The following TSHR variants were observed in gnomAD, a reference collection of about 807,000 sequenced individuals.
TSHR encodes thyrotropin receptor.
TSHR carries 51 observed loss-of-function variants against 64.1 expected under a neutral mutation model. The observed-to-expected ratio is 0.80, with a 90% CI of 0.64 to 1.01. TSHR has a LOEUF of 1.01. Among genes scored for constraint, TSHR ranks in the 50% least tolerant of loss-of-function variants. The pLI, the probability that TSHR is intolerant of heterozygous loss-of-function variation, is 0.00. For missense variants in TSHR, 877 were observed against 942.8 expected (o/e 0.93, Z 0.91); for synonymous variants, 361 against 361.9 (o/e 1.00, Z 0.03).
intron 1 of TSHR, chr14:81,001,412 A>C (rs1889310019): frequency 2.3e-6 from 1 of 441,950 alleles, no homozygotes; most frequent in Non-Finnish European, 4.5e-6. Flanking sequence ...CATGAGCTCT[A>C]TAAGGCCAGT....
chr14:81,104,794 C>T, intron 7 of TSHR: 2 of 985,398 alleles, frequency 2.0e-6, no homozygotes, highest in Non-Finnish European at 2.4e-6. Flanking sequence ...TTCTTAACTC[C>T]ATGTATGGAA....
intron 8 of TSHR, among the ~76,000 whole-genome samples, chr14:81,122,496 T>A (rs1890845362): frequency 6.6e-6 from 1 of 151,756 alleles, no homozygotes; most frequent in Non-Finnish European, 1.5e-5. Flanking sequence ...AAGCGCAATA[T>A]GCAAAGTTGC....
chr14:81,102,703 ATT>A, intron 7 of TSHR: 1 of 761,244 alleles, frequency 1.3e-6, no homozygotes, highest in African/African-American at 1.9e-5. Flanking sequence ...ATAAAACTTT[ATT>A]TACAAAAACA....
Position 81,143,484 on chromosome 14 carries a change from T to A in TSHR, c.1426T>A (p.Tyr476Asn). ...GCTCCTCATCGCCTCTGTAGACCTC[T>A]ACACTCACTCTGAGTACTACAACCA... is the stretch of plus-strand genomic sequence containing the variant. Reference protein sequence around the residue: ...YLLLIASVDLYTHSEYYNHAI... With the variant: ...YLLLIASVDLNTHSEYYNHAI... The change falls in exon 10 of 10, where the codon TAC becomes AAC. Residue 476 changes from tyrosine (Y) to asparagine (N), a missense_variant. Tyr to Asn is a moderately radical substitution (Grantham distance 143). Coordinates refer to ENST00000298171, the MANE Select transcript of TSHR (RefSeq NM_000369.5). The A allele has an allele frequency of 6.2e-7, 1 of 1,614,144 alleles. No individual in the cohort carries two copies. The highest frequency in any genetic ancestry group is 1.1e-5 in the South Asian group (1 of 91,080).
At chr14:81,057,359 C>T (rs1885893164) in intron 1 of TSHR, among the ~76,000 whole-genome samples, 1 of 151,974 alleles carries the variant, frequency 6.6e-6, no homozygotes, top group African/African-American at 2.4e-5. Context: ...TGCAGTGAGC[C>T]AAGATTGCAC....
At chr14:81,142,901 C>A (rs202155085) in intron 9 of TSHR, 39 bp from the exon 10 acceptor site, 12 of 1,590,780 alleles carry the variant, frequency 7.5e-6, no homozygotes, top group Non-Finnish European at 9.5e-6. Context: ...TGAGCCACTG[C>A]GCCCAGCCTG....
At chr14:81,126,469 A>G (rs543265396) in intron 8 of TSHR, among the ~76,000 whole-genome samples, 5 of 152,320 alleles carry the variant, frequency 3.3e-5, no homozygotes, top group Admixed American at 2.6e-4. Flanking sequence ...CCAGGCCAAA[A>G]AGTAAACTAG....
At chr14:81,142,711 G>A (rs1891746966) in intron 9 of TSHR, among the ~76,000 whole-genome samples, 1 of 150,674 alleles carries the variant, frequency 6.6e-6, no homozygotes, top group South Asian at 2.1e-4. Context: ...CCAGGCTCAG[G>A]TGATTTTCCC....
chr14:81,026,822 G>C (rs567086917), intron 1 of TSHR, among the ~76,000 whole-genome samples: 58 of 152,232 alleles, frequency 3.8e-4, no homozygotes, highest in Non-Finnish European at 7.1e-4. Flanking sequence ...GATCACCTGA[G>C]GTCAGGAGTT....
At chr14:80,994,934 A>T (rs1288087684) in intron 1 of TSHR, 2 of 152,216 alleles carry the variant, frequency 1.3e-5, no homozygotes, top group Non-Finnish European at 2.9e-5. Flanking sequence ...TATAAAAAAC[A>T]CTATCAACAG....
chr14:81,008,331 C>T (rs1324350609), intron 1 of TSHR, among the ~76,000 whole-genome samples: 3 of 152,054 alleles, frequency 2.0e-5, no homozygotes, highest in Admixed American at 6.6e-5. Flanking sequence ...CCCCACCACG[C>T]CCGGCTAATT....
chr14:81,044,380 C>G (rs891294419), intron 1 of TSHR, among the ~76,000 whole-genome samples: 1 of 152,142 alleles, frequency 6.6e-6, no homozygotes, highest in South Asian at 2.1e-4. Flanking sequence ...CACTATGAGG[C>G]CGGGACAGTG....
chr14:80,981,806 T>C (rs748834681), intron 1 of TSHR, among the ~76,000 whole-genome samples: 1 of 152,212 alleles, frequency 6.6e-6, no homozygotes, highest in Non-Finnish European at 1.5e-5. Flanking sequence ...CTCTGCCCTC[T>C]GTATCGTTGA....
chr14:81,114,798 G>C (rs1333385380), intron 8 of TSHR, among the ~76,000 whole-genome samples: 8 of 152,232 alleles, frequency 5.3e-5, no homozygotes, highest in Admixed American at 5.2e-4. Context: ...GCTTTGAAGA[G>C]AGCCGTGGTT....
At chr14:81,024,374 G>A (rs186129288) in intron 1 of TSHR, among the ~76,000 whole-genome samples, 2 of 151,934 alleles carry the variant, frequency 1.3e-5, no homozygotes, top group South Asian at 2.1e-4. Context: ...TCAGCCTCCC[G>A]AGTAGCTGGG....
chr14:81,068,913 T>C (rs142183245), intron 3 of TSHR, among the ~76,000 whole-genome samples: 1 of 152,170 alleles, frequency 6.6e-6, no homozygotes, highest in Non-Finnish European at 1.5e-5. Context: ...ATATAATATC[T>C]AGCACCTGAA....
At chr14:80,999,320 A>G (rs1218835858) in intron 1 of TSHR, among the ~76,000 whole-genome samples, 1 of 152,192 alleles carries the variant, frequency 6.6e-6, no homozygotes, top group Non-Finnish European at 1.5e-5. Flanking sequence ...AATCAGAAGT[A>G]ATCATTTCTA....
chr14:80,975,259 A>C (rs1357026653), intron 1 of TSHR, among the ~76,000 whole-genome samples: 1 of 152,218 alleles, frequency 6.6e-6, no homozygotes, highest in African/African-American at 2.4e-5. Flanking sequence ...GACTATTAAA[A>C]CAAAGCAACA....
intron 1 of TSHR, among the ~76,000 whole-genome samples, chr14:80,986,902 A>G (rs551687011): frequency 1.1e-3 from 174 of 152,368 alleles, no homozygotes; most frequent in Middle Eastern, 6.8e-3. Flanking sequence ...GTTATTCCAC[A>G]GTGTCTTGCA....
Sources: allele counts gnomAD v4.1 joint callset (sites outside exome capture counted in the v4.1 genomes callset), GRCh38; gene constraint gnomAD v4.1.1; transcripts MANE v1.5; gene names NCBI Gene and HGNC (gene_info 2026-07-23, HGNC 2026-07-21).